The following BRD4 variants were observed in gnomAD, a reference collection of about 807,000 sequenced individuals.
The protein encoded by BRD4 is bromodomain-containing protein 4.
Under a neutral mutation model 142.1 loss-of-function variants are expected in BRD4, and 16 were observed. The observed-to-expected ratio is 0.11, with a 90% CI of 0.08 to 0.17. The LOEUF is 0.17. BRD4 is among the 10% of genes least tolerant of loss of function. The probability of loss-of-function intolerance (pLI) is 1.00; values close to 1 mark genes in which losing one functional copy is unlikely to be tolerated. For synonymous variants in BRD4, 833 were observed against 707.5 expected (o/e 1.18, Z -2.82); for missense variants, 1,424 against 1,810.9 (o/e 0.79, Z 3.88).
intron 14 of BRD4, among the ~76,000 whole-genome samples, chr19:15,240,410 T>C (rs1282737238): frequency 6.6e-6 from 1 of 152,182 alleles, no homozygotes; most frequent in Non-Finnish European, 1.5e-5. Flanking sequence ...GCCCTAATAC[T>C]TTTTAAACCC....
intron 1 of BRD4, among the ~76,000 whole-genome samples, chr19:15,322,880 A>AAG (rs1555747945): frequency 4.7e-5 from 7 of 147,802 alleles, no homozygotes; most frequent in Non-Finnish European, 8.9e-5. Flanking sequence ...AAAAAAAAAA[A>AAG]AAAAGAAAAG....
intron 1 of BRD4, among the ~76,000 whole-genome samples, chr19:15,277,881 C>T (rs1043559770): frequency 2.6e-5 from 4 of 151,552 alleles, no homozygotes; most frequent in Admixed American, 2.0e-4. Flanking sequence ...CCGAGGCAGG[C>T]GGATCACGAG....
Position 15,274,140 on chromosome 19 carries a change from T to C in BRD4, c.-34-1007A>G, listed in dbSNP as rs992620479. 1.3e-4 allele frequency among the ~76,000 whole-genome samples: 20 copies of C among 152,318 alleles called. No individual in the cohort carries two copies. In the East Asian group the frequency reaches 2.9e-3, roughly 22 times the overall value. On this transcript the variant is annotated intron_variant, in intron 1 of 19. Transcript: ENST00000679869. Reference sequence around the variant, plus strand: ...ACAGGGACAAATGACACAAGCCACATATCAGCTTGCTGGGAACCTTGGGTC... The same window carrying C: ...ACAGGGACAAATGACACAAGCCACACATCAGCTTGCTGGGAACCTTGGGTC...
chr19:15,295,980 AC>A (rs2047819683), intron 1 of BRD4, among the ~76,000 whole-genome samples: 1 of 151,876 alleles, frequency 6.6e-6, no homozygotes, highest in Non-Finnish European at 1.5e-5. Flanking sequence ...TCCAAAAAAA[AC>A]TGTCTTTGTT....
In BRD4 at chr19:15,256,052, G is replaced by A. The variant is rs1784774997; in HGVS notation, c.1751+12C>T. 2 of 1,609,810 alleles carry A rather than the reference G, an allele frequency of 1.2e-6. No individual in the cohort carries two copies. Among genetic ancestry groups the A allele is most frequent in the East Asian group, 2.2e-5 (1 of 44,896 alleles). ...AGGGTCCCCACCCAGGACAAATTCA[G>A]GGGACACAGACCTCACATTGCTGTT... On this transcript the variant is annotated intron_variant, in intron 9 of 19. Coordinates refer to ENST00000679869, the MANE Select transcript of BRD4 (RefSeq NM_001379291.1).
At chr19:15,270,617 C>T (rs117530854) in intron 2 of BRD4, among the ~76,000 whole-genome samples, 2 of 152,236 alleles carry the variant, frequency 1.3e-5, no homozygotes, top group East Asian at 1.9e-4. Flanking sequence ...GCAGAGAGAA[C>T]GGTGGGGGAA....
intron 1 of BRD4, among the ~76,000 whole-genome samples, chr19:15,327,856 CA>C (rs1226209565): frequency 8.1e-6 from 1 of 123,008 alleles, no homozygotes; most frequent in East Asian, 2.4e-4. Context: ...GAGTGGCTTC[CA>C]GGGGCAAAAG....
chr19:15,273,227 T>TG, intron 1 of BRD4, 94 bp from the exon 2 acceptor site: 1 of 1,312,000 alleles, frequency 7.6e-7, no homozygotes, highest in Admixed American at 2.4e-5. Context: ...CTCCAAGGAC[T>TG]GAGTTCCCTG....
At chr19:15,306,265 A>C (rs2047912780) in intron 1 of BRD4, among the ~76,000 whole-genome samples, 1 of 152,130 alleles carries the variant, frequency 6.6e-6, no homozygotes, top group South Asian at 2.1e-4. Flanking sequence ...CTTTCAAAAT[A>C]TGTTATTGGC....
intron 1 of BRD4, among the ~76,000 whole-genome samples, chr19:15,274,088 TAGG>T (rs1432851729): frequency 6.6e-6 from 1 of 152,194 alleles, no homozygotes; most frequent in Middle Eastern, 3.2e-3. Flanking sequence ...GCTGTGGAGA[TAGG>T]AGGCCAGTGA....
chr19:15,247,556 ACG>A, intron 11 of BRD4: 1 of 233,036 alleles, frequency 4.3e-6, no homozygotes, highest in Non-Finnish European at 8.5e-6. Context: ...CCATGTGCAC[ACG>A]TGTGTGCGCG....
At chr19:15,253,263 G>A in intron 11 of BRD4, 1 of 482,752 alleles carries the variant, frequency 2.1e-6, no homozygotes, top group East Asian at 3.5e-5. Context: ...CAGGCCTTCT[G>A]GGCACCATGG....
chr19:15,258,509 C>G (rs1227946218), intron 7 of BRD4, among the ~76,000 whole-genome samples: 1 of 152,180 alleles, frequency 6.6e-6, no homozygotes, highest in Non-Finnish European at 1.5e-5. Flanking sequence ...GTCTTAAACT[C>G]CTGACCTCAA....
At chr19:15,254,093 T>A in intron 11 of BRD4, 59 bp downstream of exon 11, 4 of 1,431,352 alleles carry the variant, frequency 2.8e-6, no homozygotes, top group Non-Finnish European at 3.0e-6. Flanking sequence ...AGGACCGAGC[T>A]AGTGCCAGGC....
At chr19:15,249,425 G>A (rs2047320970) in intron 11 of BRD4, 1 of 1,492,846 alleles carries the variant, frequency 6.7e-7, no homozygotes, top group South Asian at 1.2e-5. Context: ...AACGGCACTG[G>A]AGACTGGAGC....
At chr19:15,244,908 G>A (rs2145518553) in intron 11 of BRD4, 146 bp from the exon 12 acceptor site, 2 of 1,415,724 alleles carry the variant, frequency 1.4e-6, no homozygotes, top group Non-Finnish European at 1.9e-6. Flanking sequence ...TGAGGGATGA[G>A]TTGGTCATCA....
intron 1 of BRD4, 124 bp from the exon 2 acceptor site, chr19:15,273,257 G>T: frequency 1.1e-6 from 1 of 951,566 alleles, no homozygotes; most frequent in South Asian, 1.8e-5. Context: ...AGCCAAGTTG[G>T]CCAGAGGGAC....
At chr19:15,257,432 G>A (rs562504371) in intron 7 of BRD4, 125 of 526,836 alleles carry the variant, frequency 2.4e-4, no homozygotes, top group African/African-American at 2.2e-3. Flanking sequence ...ACTCCCTGGA[G>A]GACACCGCCC....
intron 1 of BRD4, among the ~76,000 whole-genome samples, chr19:15,331,466 G>T (rs1010306139): frequency 6.6e-6 from 1 of 152,182 alleles, no homozygotes; most frequent in African/African-American, 2.4e-5. Context: ...CAAGGACGCC[G>T]GCGAGCACGG....
Sources: allele counts gnomAD v4.1 joint callset (sites outside exome capture counted in the v4.1 genomes callset), GRCh38; gene constraint gnomAD v4.1.1; transcripts MANE v1.5; gene names NCBI Gene and HGNC (gene_info 2026-07-23, HGNC 2026-07-21).